The following SUGCT variants were observed in gnomAD, a reference collection of about 807,000 sequenced individuals.
The protein encoded by SUGCT is succinyl-CoA:glutarate CoA-transferase.
In SUGCT, 41 loss-of-function variants were observed where a neutral mutation model predicts 55.0. The observed-to-expected ratio is 0.74, with a 90% CI of 0.58 to 0.97. SUGCT has a LOEUF of 0.97. Ranked by LOEUF, SUGCT falls within the 50% of genes least tolerant of loss-of-function variation. The pLI is 0.00. For missense variants in SUGCT, 568 were observed against 547.8 expected, an observed-to-expected ratio of 1.04 and a Z score of -0.37; for synonymous variants, 187 against 200.4, an observed-to-expected ratio of 0.93 and a Z score of 0.56.
the SUGCT span, among the ~76,000 whole-genome samples, chr7:41,009,515 C>T: frequency 6.6e-6 from 1 of 152,010 alleles, no homozygotes; most frequent in African/African-American, 2.4e-5. Flanking sequence ...ATCCTTCCTT[C>T]CTTCCATCCA....
At chr7:40,965,609 T>C in the SUGCT span, 1 of 152,228 alleles carries the variant, frequency 6.6e-6, no homozygotes, top group Non-Finnish European at 1.5e-5. Flanking sequence ...TGATGTTTCT[T>C]TTAAAGTACT....
chr7:40,354,061 C>T (rs75110575), intron 9 of SUGCT, among the ~76,000 whole-genome samples: 2,453 of 152,230 alleles, frequency 0.016, 65 homozygotes, highest in African/African-American at 0.056. Flanking sequence ...TGCCTCCCCC[C>T]GCAACAAGTA....
chr7:40,473,734 C>G (rs1790517245), intron 11 of SUGCT, among the ~76,000 whole-genome samples: 1 of 152,068 alleles, frequency 6.6e-6, no homozygotes, highest in Non-Finnish European at 1.5e-5. Flanking sequence ...GCAAATAACC[C>G]CCTTGGGGCA....
intron 12 of SUGCT, among the ~76,000 whole-genome samples, chr7:40,565,725 C>T (rs999225926): frequency 6.6e-6 from 1 of 152,130 alleles, no homozygotes; most frequent in African/African-American, 2.4e-5. Flanking sequence ...ATCCAACCTT[C>T]TCCTTCTACT....
chr7:40,606,355 G>A (rs1284195632), intron 12 of SUGCT, among the ~76,000 whole-genome samples: 1 of 152,126 alleles, frequency 6.6e-6, no homozygotes, highest in Admixed American at 6.5e-5. Flanking sequence ...TTTCACTTTG[G>A]GCATATGGAA....
the SUGCT span, among the ~76,000 whole-genome samples, chr7:40,892,814 A>C: frequency 2.0e-3 from 303 of 152,332 alleles, no homozygotes; most frequent in African/African-American, 7.1e-3. Context: ...CTGGGATTAC[A>C]GTCATGAGCC....
intron 12 of SUGCT, among the ~76,000 whole-genome samples, chr7:40,689,342 C>A (rs1409992325): frequency 9.2e-5 from 14 of 152,120 alleles, no homozygotes; most frequent in Non-Finnish European, 5.9e-5. Flanking sequence ...CAAAGGCAAT[C>A]TTTTTTACCT....
the SUGCT span, among the ~76,000 whole-genome samples, chr7:40,977,827 T>C: frequency 1.3e-5 from 2 of 152,304 alleles, no homozygotes; most frequent in Middle Eastern, 6.8e-3. Context: ...GGGCAGATCT[T>C]ATCTGAATGC....
intron 12 of SUGCT, among the ~76,000 whole-genome samples, chr7:40,518,003 G>A (rs117415026): frequency 0.01 from 1,565 of 152,256 alleles, 12 homozygotes; most frequent in Non-Finnish European, 0.015. Context: ...GGAGGTAGGC[G>A]GTGATTACAG....
intron 12 of SUGCT, among the ~76,000 whole-genome samples, chr7:40,642,677 A>G (rs181881849): frequency 6.6e-6 from 1 of 152,360 alleles, no homozygotes; most frequent in Admixed American, 6.5e-5. Context: ...AGGTTGAAAC[A>G]TATTAAAGTG....
chr7:40,297,339 T>A (rs11977946), intron 8 of SUGCT, among the ~76,000 whole-genome samples: 45,214 of 151,854 alleles, frequency 0.3, 7,072 homozygotes, highest in East Asian at 0.46. Flanking sequence ...TTTTTTTTTT[T>A]AATTTCAATT....
At chr7:40,421,438 G>A (rs1371847209) in intron 9 of SUGCT, among the ~76,000 whole-genome samples, 1 of 152,068 alleles carries the variant, frequency 6.6e-6, no homozygotes, top group African/African-American at 2.4e-5. Flanking sequence ...CAGGCTCCTG[G>A]ATACTTTATC....
intron 12 of SUGCT, among the ~76,000 whole-genome samples, chr7:40,658,134 G>T (rs911214747): frequency 1.3e-5 from 2 of 152,106 alleles, no homozygotes; most frequent in Non-Finnish European, 2.9e-5. Flanking sequence ...TCAAGTCTTC[G>T]ATTAAGCCAT....
chr7:40,945,230 A>G, the SUGCT span, among the ~76,000 whole-genome samples: 1 of 152,066 alleles, frequency 6.6e-6, no homozygotes, highest in African/African-American at 2.4e-5. Flanking sequence ...GGGGAAAGGA[A>G]GAAGCCACCT....
chr7:40,991,379 A>G, the SUGCT span, among the ~76,000 whole-genome samples: 5 of 152,342 alleles, frequency 3.3e-5, no homozygotes, highest in East Asian at 7.7e-4. Context: ...ACAGATCACC[A>G]TAAAAGATAT....
chr7:40,504,290 C>A (rs1792462939), intron 12 of SUGCT, among the ~76,000 whole-genome samples: 1 of 152,114 alleles, frequency 6.6e-6, no homozygotes, highest in African/African-American at 2.4e-5. Context: ...CTCTGTTTCC[C>A]AGGCTGTACT....
intron 6 of SUGCT, among the ~76,000 whole-genome samples, chr7:40,214,106 C>T (rs1229968107): frequency 6.6e-6 from 1 of 152,152 alleles, no homozygotes; most frequent in Non-Finnish European, 1.5e-5. Flanking sequence ...TTATCAACTG[C>T]TAAGCTATGT....
chr7:40,996,244 T>C, the SUGCT span, among the ~76,000 whole-genome samples: 1 of 152,284 alleles, frequency 6.6e-6, no homozygotes, highest in Non-Finnish European at 1.5e-5. Context: ...AGCCCAGCTG[T>C]CACTGTGTAG....
intron 9 of SUGCT, among the ~76,000 whole-genome samples, chr7:40,338,832 A>G (rs1375616586): frequency 6.6e-6 from 1 of 152,276 alleles, no homozygotes; most frequent in Middle Eastern, 3.4e-3. Context: ...TTGGAGTTTT[A>G]GAATTTTCAG....
Sources: gnomAD v4.1 joint callset for allele counts (sites outside exome capture counted in the v4.1 genomes callset) on GRCh38, gnomAD v4.1.1 for gene constraint, MANE v1.5 for transcripts, NCBI Gene and HGNC (gene_info 2026-07-23, HGNC 2026-07-21) for gene names.